Variants in SNPH observed in about 807,000 individuals in gnomAD.
SNPH encodes the protein syntaphilin.
SNPH carries 10 observed loss-of-function variants against 36.8 expected under a neutral mutation model. That is an observed-to-expected ratio of 0.27 (90% CI 0.17 to 0.46). SNPH has a LOEUF of 0.46. SNPH is among the 20% of genes least tolerant of loss of function. The pLI is 1.00. For synonymous variants in SNPH, 281 were observed against 312.2 expected (o/e 0.90, Z 1.05); for missense variants, 622 against 744.0 (o/e 0.84, Z 1.91).
intron 2 of SNPH, among the ~76,000 whole-genome samples, chr20:1,292,257 A>G (rs1371081798): frequency 1.3e-5 from 2 of 152,164 alleles, no homozygotes; most frequent in Non-Finnish European, 2.9e-5. Context: ...AAAGAGTGCA[A>G]TGTATGCCTG....
chr20:1,295,497 T>C (rs1433061791), intron 3 of SNPH, among the ~76,000 whole-genome samples: 2 of 152,156 alleles, frequency 1.3e-5, no homozygotes, highest in African/African-American at 4.8e-5. Flanking sequence ...CCCACCCCAG[T>C]GCTCATCTGC....
chr20:1,282,893 G>A (rs1486010923), intron 2 of SNPH, among the ~76,000 whole-genome samples: 1 of 152,108 alleles, frequency 6.6e-6, no homozygotes, highest in East Asian at 1.9e-4. Flanking sequence ...TCTGCCCTAG[G>A]ACAAAGCCCC....
intron 2 of SNPH, among the ~76,000 whole-genome samples, chr20:1,271,148 G>A (rs1293776925): frequency 6.6e-6 from 1 of 152,196 alleles, no homozygotes; most frequent in Non-Finnish European, 1.5e-5. Context: ...AAGCAGCCTG[G>A]CACAGCAGGA....
chr20:1,287,401 C>CT (rs879632728), intron 2 of SNPH, among the ~76,000 whole-genome samples: 53 of 150,170 alleles, frequency 3.5e-4, no homozygotes, highest in African/African-American at 6.8e-4. Flanking sequence ...TCCCTTTGTT[C>CT]TTTTTTTTTT....
intron 2 of SNPH, among the ~76,000 whole-genome samples, chr20:1,290,122 G>A (rs1276220977): frequency 6.6e-6 from 1 of 151,558 alleles, no homozygotes; most frequent in Non-Finnish European, 1.5e-5. Context: ...TGAGTCATGA[G>A]AATCACTTGA....
chr20:1,306,321 C>T lies in SNPH; in HGVS notation c.*267C>T. On this transcript the variant is annotated 3_prime_UTR_variant, in exon 7 of 7. Transcript: ENST00000381867. Reference sequence around the variant, plus strand: ...TTGCAGGGAGGGGAGGGAGCGAGGGCCAACCCGGCCCCTCTGTCCCCTTGG... The same window carrying T: ...TTGCAGGGAGGGGAGGGAGCGAGGGTCAACCCGGCCCCTCTGTCCCCTTGG... 1 of 381,546 alleles carries T rather than the reference C, an allele frequency of 2.6e-6. No homozygotes were observed. The highest frequency in any genetic ancestry group is 4.6e-6 in the Non-Finnish European group (1 of 215,560). 23.6% of individuals were successfully genotyped at this position (381,546 alleles called of 1,614,324 possible).
chr20:1,285,662 G>A lies in SNPH; in HGVS notation c.-492-9289G>A, dbSNP rs2088275904. Reference sequence around the variant, plus strand: ...TGGCATTCCCACTGTCATAAAGATGGTGGGTGGTGGAGTTTGGAATTCAGA... The same window carrying A: ...TGGCATTCCCACTGTCATAAAGATGATGGGTGGTGGAGTTTGGAATTCAGA... On this transcript the variant is annotated intron_variant, in intron 2 of 6. Coordinates refer to ENST00000381867, the MANE Select transcript of SNPH (RefSeq NM_001318234.2). The surrounding 1 kb of genome is among the most constrained non-coding windows in gnomAD (Gnocchi z 4.9). 6.6e-6 allele frequency among the ~76,000 whole-genome samples: 1 copy of A among 152,182 alleles called. No individual in the cohort carries two copies. Among genetic ancestry groups the A allele is most frequent in the Non-Finnish European group, 1.5e-5 (1 of 68,036 alleles).
chr20:1,296,379 T>C lies in SNPH; in HGVS notation c.140T>C (p.Met47Thr), dbSNP rs1215506773. The C allele has an allele frequency of 3.1e-6, 5 of 1,602,666 alleles. No homozygotes were observed. Among genetic ancestry groups the C allele is most frequent in the African/African-American group, 1.3e-5 (1 of 74,086 alleles). Residue 47 changes from methionine to threonine, a missense_variant, in exon 4 of 7, where the codon ATG becomes ACG. Met to Thr is a moderately conservative substitution (Grantham distance 81). This residue lies in a region of SNPH where 187 missense variants were observed against 209.4 expected (regional missense o/e 0.89). Coordinates refer to ENST00000381867, the MANE Select transcript of SNPH (RefSeq NM_001318234.2). ...PLTRTHSLMA[M>T]SLPGSRRTSA... The stretch of plus-strand genomic sequence containing the variant: ...ACTCGGACCCACAGCCTCATGGCCA[T>C]GTCCCTGCCAGGAAGTAGACGGACC...
At chr20:1,283,796 G>C (rs1474325245) in intron 2 of SNPH, among the ~76,000 whole-genome samples, 3 of 152,128 alleles carry the variant, frequency 2.0e-5, no homozygotes, top group Non-Finnish European at 4.4e-5. Context: ...GGGCAGAATA[G>C]GACCCGGGGC....
At chr20:1,287,353 G>A (rs548187088) in intron 2 of SNPH, among the ~76,000 whole-genome samples, 4 of 152,168 alleles carry the variant, frequency 2.6e-5, no homozygotes, top group East Asian at 1.9e-4. Context: ...TGTCATACCC[G>A]TAGGCCTTCC....
chr20:1,288,718 C>G (rs968632138), intron 2 of SNPH, among the ~76,000 whole-genome samples: 12 of 151,336 alleles, frequency 7.9e-5, no homozygotes, highest in African/African-American at 2.9e-4. Flanking sequence ...GCCTCCCAGG[C>G]TCAAGATATT....
chr20:1,291,990 A>G (rs779702106), intron 2 of SNPH, among the ~76,000 whole-genome samples: 8 of 152,230 alleles, frequency 5.3e-5, no homozygotes, highest in Admixed American at 3.9e-4. Flanking sequence ...CCATAATTTC[A>G]TTGACAGCTC....
At position 1,297,154 on chromosome 20, in the gene SNPH, T is replaced by C; in HGVS notation, c.192T>C (p.Ser64=). Residue 64 remains serine (S), a synonymous_variant, in exon 5 of 7, where the codon TCT becomes TCC. Coordinates refer to ENST00000381867, the MANE Select transcript of SNPH (RefSeq NM_001318234.2). The part of the protein sequence containing the change: ...RTSAGSRRRT[S]PPVSVRDAYG... ...TTCTTCCTGCCTCCAGGCGCACCTCTCCACCTGTGAGCGTGCGGGATGCCT... is the reference window on the plus strand; with the variant it reads ...TTCTTCCTGCCTCCAGGCGCACCTCCCCACCTGTGAGCGTGCGGGATGCCT... 1 of 1,613,192 alleles carries C rather than the reference T, an allele frequency of 6.2e-7. No individual in the cohort carries two copies. Among genetic ancestry groups the C allele is most frequent in the Non-Finnish European group, 8.5e-7 (1 of 1,179,658 alleles).
chr20:1,274,882 C>T (rs940879019), intron 2 of SNPH, among the ~76,000 whole-genome samples: 16 of 152,214 alleles, frequency 1.1e-4, no homozygotes, highest in Non-Finnish European at 1.8e-4. Context: ...CCACCTCCCC[C>T]GTCTTGCTTC....
chr20:1,289,001 C>T (rs2088318363), intron 2 of SNPH, among the ~76,000 whole-genome samples: 1 of 152,172 alleles, frequency 6.6e-6, no homozygotes, highest in Non-Finnish European at 1.5e-5. Context: ...GAAGTATGAC[C>T]AGCCCAAAAT....
intron 2 of SNPH, among the ~76,000 whole-genome samples, chr20:1,291,004 C>T (rs1471254361): frequency 1.3e-5 from 2 of 152,214 alleles, no homozygotes; most frequent in Non-Finnish European, 1.5e-5. Flanking sequence ...AAAACACATA[C>T]GAGAGGAGCC....
At position 1,306,028 on chromosome 20, in the gene SNPH, C is replaced by A. The variant is rs1349076344; in HGVS notation, c.1591C>A (p.Pro531Thr). The A allele has an allele frequency of 2.5e-5, 37 of 1,488,778 alleles. No individual in the cohort carries two copies. Among genetic ancestry groups the A allele is most frequent in the Non-Finnish European group, 3.0e-5 (34 of 1,119,970 alleles). 92.2% of individuals were successfully genotyped at this position (1,488,778 alleles called of 1,614,324 possible). A position where few individuals can be genotyped will look rare whatever the true frequency, so the allele number is the denominator to read the frequency against. ...CRSLSQPSPS[P>T]AGGGSQL ...CTCGCTGAGCCAGCCGAGTCCCAGC[C>A]CAGCGGGCGGCGGCTCCCAGCTCTG... The change falls in exon 7 of 7, where the codon CCA (proline) becomes ACA (threonine). Residue 531 changes from proline (P) to threonine (T), a missense_variant. Transcript: ENST00000381867.
intron 2 of SNPH, among the ~76,000 whole-genome samples, chr20:1,274,374 A>T (rs986364670): frequency 6.6e-6 from 1 of 152,106 alleles, no homozygotes; most frequent in Non-Finnish European, 1.5e-5. Flanking sequence ...CTAAAAAAAA[A>T]AAAATCTAGT....
At chr20:1,282,517 C>T (rs2088237669) in intron 2 of SNPH, among the ~76,000 whole-genome samples, 2 of 152,154 alleles carry the variant, frequency 1.3e-5, no homozygotes, top group Admixed American at 1.3e-4. Flanking sequence ...AATATCTGTG[C>T]TTAGAAAAAG....
Sources: allele counts gnomAD v4.1 joint callset (sites outside exome capture counted in the v4.1 genomes callset), GRCh38; gene constraint gnomAD v4.1.1; regional missense constraint gnomAD v4.1.1; non-coding constraint Gnocchi (gnomAD v3.1); transcripts MANE v1.5; gene names NCBI Gene and HGNC (gene_info 2026-07-23, HGNC 2026-07-21).